The following DNASE1L3 variants were observed in gnomAD, a reference collection of about 807,000 sequenced individuals.
The protein encoded by DNASE1L3 is deoxyribonuclease 1L3, also known as deoxyribonuclease gamma.
DNASE1L3 carries 27 observed loss-of-function variants against 30.9 expected under a neutral mutation model. That is an observed-to-expected ratio of 0.87 (90% CI 0.64 to 1.20). The LOEUF (loss-of-function observed/expected upper bound fraction) is 1.20. Ranked by LOEUF, DNASE1L3 falls within the 50% of genes most tolerant of loss-of-function variation. The pLI is 0.00. For missense variants in DNASE1L3, 364 were observed against 378.2 expected (o/e 0.96, Z 0.31); for synonymous variants, 135 against 138.0 (o/e 0.98, Z 0.15).
Position 58,192,504 on chromosome 3 carries a change from G to T in DNASE1L3, c.*183C>A. ...TTCCCTTTTAGACAATTCAGGGGAG[G>T]TATGAGACCAAGAGAGATACAAAAG... On this transcript the variant is annotated 3_prime_UTR_variant, in exon 8 of 8. Transcript: ENST00000394549. This position sits in a 1 kb window ranked among gnomAD's most constrained non-coding sequence, Gnocchi z 4.8. 1 of 562,412 alleles carries T rather than the reference G, an allele frequency of 1.8e-6. No homozygotes were observed. The highest frequency in any genetic ancestry group is 3.0e-6 in the Non-Finnish European group (1 of 335,614). The allele number at this position is 562,412 out of a possible 1,614,324, so 34.8% of individuals were successfully genotyped here.
At chr3:58,203,672 T>C (rs894650978) in intron 4 of DNASE1L3, among the ~76,000 whole-genome samples, 4 of 152,134 alleles carry the variant, frequency 2.6e-5, no homozygotes, top group Non-Finnish European at 5.9e-5. Context: ...TGGTGGTGCA[T>C]GCCTATAGTC....
chr3:58,209,738 C>T (rs1369707324), intron 1 of DNASE1L3, among the ~76,000 whole-genome samples: 8 of 152,278 alleles, frequency 5.3e-5, no homozygotes, highest in East Asian at 3.9e-4. Context: ...TGGATGTGGT[C>T]GCCATTTTAC....
chr3:58,204,727 C>A, intron 4 of DNASE1L3, 42 bp downstream of exon 4: 1 of 1,571,756 alleles, frequency 6.4e-7, no homozygotes, highest in Admixed American at 1.7e-5. Flanking sequence ...ATTCATGGGC[C>A]GTTGGGGAGG....
chr3:58,210,067 G>A (rs2097406654), intron 1 of DNASE1L3, among the ~76,000 whole-genome samples: 1 of 151,558 alleles, frequency 6.6e-6, no homozygotes. Flanking sequence ...AGGAAGGAAG[G>A]AGGAGAAGAA....
Position 58,197,479 on chromosome 3 carries a change from G to A in DNASE1L3, c.704+342C>T, listed in dbSNP as rs1028267865. 6.6e-6 allele frequency among the ~76,000 whole-genome samples: 1 copy of A among 152,080 alleles called. No homozygotes were observed. ...TTTTATTTTTTATTTTTGAGACAAAGTCTCACTCTGTTACCCAGGCTGGAG... is the reference window on the plus strand; with the variant it reads ...TTTTATTTTTTATTTTTGAGACAAAATCTCACTCTGTTACCCAGGCTGGAG... On this transcript the variant is annotated intron_variant, in intron 6 of 7. Transcript: ENST00000394549. This position sits in a 1 kb window ranked among gnomAD's most constrained non-coding sequence, Gnocchi z 5.3.
rs984642834 is a variant in DNASE1L3, at chr3:58,201,071, G to C, written c.472C>G (p.Pro158Ala). 75 of 1,612,724 alleles carry C rather than the reference G, an allele frequency of 4.7e-5. No individual in the cohort carries two copies. The highest frequency in any genetic ancestry group is 6.3e-5 in the Non-Finnish European group (74 of 1,179,250). ...TCGATCTCCTTAACGGATGTCTCTG[G>C]GGTGGTGTGCAGGGGGATAATCACG... is the stretch of plus-strand genomic sequence containing the variant. ...DFVIIPLHTT[P>A]ETSVKEIDEL... is the part of the protein sequence containing the mutation. The change falls in exon 5 of 8, where the codon CCA becomes GCA. Residue 158 changes from proline (P) to alanine (A), a missense_variant. Physicochemically the swap from Pro to Ala is conservative, Grantham distance 27. Coordinates refer to ENST00000394549, the MANE Select transcript of DNASE1L3 (RefSeq NM_004944.4).
intron 6 of DNASE1L3, among the ~76,000 whole-genome samples, chr3:58,194,373 T>G (rs1488393788): frequency 1.5e-5 from 2 of 136,994 alleles, no homozygotes; most frequent in Admixed American, 1.7e-4. Context: ...CAGGTTGGAG[T>G]GCAGTGCGCC....
chr3:58,193,473 T>C (rs2097395374), intron 6 of DNASE1L3, 34 bp from the exon 7 acceptor site: 7 of 1,571,066 alleles, frequency 4.5e-6, no homozygotes, highest in Non-Finnish European at 6.1e-6. Flanking sequence ...GTTGTGTTAA[T>C]CCAACCTGTG....
chr3:58,207,449 C>T (rs866467671), intron 2 of DNASE1L3, among the ~76,000 whole-genome samples: 5 of 53,362 alleles, frequency 9.4e-5, no homozygotes, highest in South Asian at 9.2e-4. Context: ...ACACCCCCCC[C>T]CCCCCCACCA....
intron 3 of DNASE1L3, 41 bp downstream of exon 3, chr3:58,205,430 T>A: frequency 6.5e-7 from 1 of 1,540,580 alleles, no homozygotes; most frequent in East Asian, 2.2e-5. Context: ...AATTCACGAT[T>A]TATTGGTGGC....
At position 58,204,983 on chromosome 3, in the gene DNASE1L3, G is replaced by C; in HGVS notation, c.321-102C>G. 3 of 1,032,056 alleles carry C rather than the reference G, an allele frequency of 2.9e-6. No homozygotes were observed. The South Asian group carries it at 4.6e-5, about 16-fold the overall frequency. The allele number at this position is 1,032,056 out of a possible 1,614,324, so 63.9% of individuals were successfully genotyped here. On this transcript the variant is annotated intron_variant, in intron 3 of 7. Transcript: ENST00000394549. Reference sequence around the variant, plus strand: ...TCCCATGGCTTTCTCAGAAGCCAGAGCAGGCTCAAGCACAGGATCGTTTTC... The same window carrying C: ...TCCCATGGCTTTCTCAGAAGCCAGACCAGGCTCAAGCACAGGATCGTTTTC...
rs3772985 is a variant in DNASE1L3 at position 58,200,992 on chromosome 3, C to G, written c.546+5G>C. The G allele has an allele frequency of 3.7e-6, 6 of 1,610,048 alleles. No homozygotes were observed. In the Admixed American group the frequency reaches 6.7e-5, roughly 18 times the overall value. On this transcript the variant is annotated splice_donor_5th_base_variant and intron_variant, in intron 5 of 7. Coordinates refer to ENST00000394549, the MANE Select transcript of DNASE1L3 (RefSeq NM_004944.4). This position sits in a 1 kb window ranked among gnomAD's most constrained non-coding sequence, Gnocchi z 4.2. ...TGGGAATTCGTCTGACACAGCAGTC[C>G]TCACCTCCGCCTTCCAGCGGTGTTT...
chr3:58,202,685 C>A (rs1257971860), intron 4 of DNASE1L3, among the ~76,000 whole-genome samples: 38 of 151,662 alleles, frequency 2.5e-4, no homozygotes, highest in Admixed American at 2.4e-3. Context: ...GAAAACCTGT[C>A]TCTACTAAAA....
intron 1 of DNASE1L3, among the ~76,000 whole-genome samples, chr3:58,210,079 A>G (rs908620718): frequency 1.3e-5 from 2 of 151,746 alleles, no homozygotes; most frequent in Non-Finnish European, 2.9e-5. Flanking sequence ...GGAGAAGAAG[A>G]AAGAAAGACA....
chr3:58,195,613 CAAAAAAAAAAAA>C (rs34773952), intron 6 of DNASE1L3, among the ~76,000 whole-genome samples: 4 of 38,442 alleles, frequency 1.0e-4, no homozygotes, highest in Admixed American at 3.2e-4. Flanking sequence ...ACTAAAATTA[CAAAAAAAAAAAA>C]AAAAAAAAAA....
At position 58,200,958 on chromosome 3, in the gene DNASE1L3, C is replaced by G. The variant is rs756077449; in HGVS notation, c.546+39G>C. 6.4e-7 allele frequency: 1 copy of G among 1,566,510 alleles called. No homozygotes were observed. The highest frequency in any genetic ancestry group is 8.8e-7 in the Non-Finnish European group (1 of 1,142,246). The stretch of plus-strand genomic sequence containing the variant: ...TCCCACTCAGGGACCAGAGCCTGCC[C>G]CTGCTAGATGGGAATTCGTCTGACA... On this transcript the variant is annotated intron_variant, in intron 5 of 7. Transcript: ENST00000394549. This position sits in a 1 kb window ranked among gnomAD's most constrained non-coding sequence, Gnocchi z 4.2.
chr3:58,206,509 T>C (rs2097404006), intron 2 of DNASE1L3, among the ~76,000 whole-genome samples: 1 of 152,154 alleles, frequency 6.6e-6, no homozygotes, highest in Non-Finnish European at 1.5e-5. Context: ...AGTCCTGAGT[T>C]AGCAAACTGC....
chr3:58,202,309 C>T (rs2097401173), intron 4 of DNASE1L3, among the ~76,000 whole-genome samples: 1 of 131,668 alleles, frequency 7.6e-6, no homozygotes, highest in African/African-American at 2.8e-5. Flanking sequence ...TCATGCCTGG[C>T]TAGCTTTGTT....
rs2292677 is a variant in DNASE1L3, at chr3:58,210,912, C to T, written c.-6G>A. Reference sequence around the variant, plus strand: ...GGGGCCAGCTCCCGTGACATCCTGGCGCTGCTCTGGCTTCAAGACTCTGTG... The same window carrying T: ...GGGGCCAGCTCCCGTGACATCCTGGTGCTGCTCTGGCTTCAAGACTCTGTG... On this transcript the variant is annotated 5_prime_UTR_variant, in exon 1 of 8. Transcript: ENST00000394549. 0.33 allele frequency: 527,640 copies of T among 1,612,910 alleles called. 88,175 individuals are homozygous for T. The highest frequency in any genetic ancestry group is 0.39 in the East Asian group (17,294 of 44,852).
Sources: gnomAD v4.1 joint callset for allele counts (sites outside exome capture counted in the v4.1 genomes callset) on GRCh38, gnomAD v4.1.1 for gene constraint, Gnocchi (gnomAD v3.1) non-coding constraint, MANE v1.5 for transcripts, NCBI Gene and HGNC (gene_info 2026-07-23, HGNC 2026-07-21) for gene names.